Variants in OAS3 observed in about 807,000 individuals in gnomAD.
The protein encoded by OAS3 is 2'-5'-oligoadenylate synthetase 3.
In OAS3, 107 loss-of-function variants were observed where a neutral mutation model predicts 113.0. That is an observed-to-expected ratio of 0.95 (90% CI 0.81 to 1.11). OAS3 has a LOEUF of 1.11. OAS3 is among the 50% of genes most tolerant of loss of function. The pLI, the probability that OAS3 is intolerant of heterozygous loss-of-function variation, is 0.00. For synonymous variants in OAS3, 552 were observed against 573.6 expected, an observed-to-expected ratio of 0.96 and a Z score of 0.54; for missense variants, 1,258 against 1,389.1, an observed-to-expected ratio of 0.91 and a Z score of 1.50.
chr12:112,949,756 C>A (rs149628703), intron 6 of OAS3, among the ~76,000 whole-genome samples: 2 of 152,176 alleles, frequency 1.3e-5, no homozygotes, highest in African/African-American at 4.8e-5. Context: ...CGGTGGCTCA[C>A]GCCTGTAATC....
In OAS3 at chr12:112,948,913, C is replaced by A. The variant is rs780360981; in HGVS notation, c.1082C>A (p.Pro361His). 5.6e-6 allele frequency: 9 copies of A among 1,607,152 alleles called. No homozygotes were observed. The highest frequency in any genetic ancestry group is 1.6e-4 in the Middle Eastern group (1 of 6,080). The change falls in exon 6 of 16, where the codon CCT becomes CAT. Residue 361 changes from proline (P) to histidine (H), a missense_variant. Physicochemically the swap from Pro to His is moderately conservative, Grantham distance 77. Transcript: ENST00000228928. ...TTGGGCCACCCCATCCAGCTAGACC[C>A]TAACCAGAAGACCCCTGAAAACAGC... is the stretch of plus-strand genomic sequence containing the variant. ...SGLGHPIQLD[P>H]NQKTPENSKS...
chr12:112,948,027 G>C lies in OAS3; in HGVS notation c.957G>C (p.Glu319Asp). 1 of 1,601,128 alleles carries C rather than the reference G, an allele frequency of 6.2e-7. No homozygotes were observed. The highest frequency in any genetic ancestry group is 8.5e-7 in the Non-Finnish European group (1 of 1,173,526). The change falls in exon 5 of 16, where the codon GAG becomes GAC. Residue 319 changes from glutamate to aspartate, a missense_variant. Coordinates refer to ENST00000228928, the MANE Select transcript of OAS3 (RefSeq NM_006187.4). ...GGCACTGGGATTTGCTAGCCCAGGA[G>C]GCAGCATCCTGCTATGACCACCCAT... is the stretch of plus-strand genomic sequence containing the variant. ...AAWHWDLLAQ[E>D]AASCYDHPCF...
chr12:112,966,178 T>C, intron 12 of OAS3, 149 bp downstream of exon 12: 1 of 872,442 alleles, frequency 1.1e-6, no homozygotes, highest in Non-Finnish European at 1.7e-6. Context: ...ACAACTTTCC[T>C]GCAAAGTATC....
intron 8 of OAS3, 48 bp downstream of exon 8, chr12:112,961,294 C>A (rs772746189): frequency 1.9e-5 from 30 of 1,558,882 alleles, no homozygotes; most frequent in African/African-American, 2.7e-5. Flanking sequence ...GTCATGGCAA[C>A]CACCCCAGCC....
Position 112,948,970 on chromosome 12 carries a change from G to A in OAS3, c.1139G>A (p.Gly380Glu), listed in dbSNP as rs775371751. 6.2e-7 allele frequency: 1 copy of A among 1,613,888 alleles called. No individual in the cohort carries two copies. The highest frequency in any genetic ancestry group is 8.5e-7 in the Non-Finnish European group (1 of 1,179,864). Reference protein sequence around the residue: ...KSLNAVYPRAGSKPPSCPAPG... With the variant: ...KSLNAVYPRAESKPPSCPAPG... ...CTCAATGCTGTGTACCCAAGAGCAG[G>A]GAGCAAACCTCCCTCATGCCCAGCT... is the stretch of plus-strand genomic sequence containing the variant. Residue 380 changes from glycine (G) to glutamate (E), a missense_variant, in exon 6 of 16, where the codon GGG becomes GAG. Gly to Glu is a moderately conservative substitution (Grantham distance 98). Coordinates refer to ENST00000228928, the MANE Select transcript of OAS3 (RefSeq NM_006187.4).
chr12:112,967,047 T>C (rs1593185870), intron 12 of OAS3, among the ~76,000 whole-genome samples: 1 of 152,306 alleles, frequency 6.6e-6, no homozygotes, highest in Middle Eastern at 3.4e-3. Context: ...TGATGTCAAC[T>C]CCATACACAG....
At chr12:112,964,499 G>A (rs2043917523) in intron 11 of OAS3, 91 bp downstream of exon 11, 8 of 1,342,126 alleles carry the variant, frequency 6.0e-6, no homozygotes, top group African/African-American at 2.9e-5. Context: ...TTCCGCCCTC[G>A]TAGCAAACAG....
At chr12:112,947,873 G>A (rs765399048) in intron 4 of OAS3, 73 bp from the exon 5 acceptor site, 6 of 1,351,754 alleles carry the variant, frequency 4.4e-6, no homozygotes, top group African/African-American at 1.5e-5. Context: ...GCAGAGATGC[G>A]ATTGGAACCA....
chr12:112,950,190 T>C (rs546221618), intron 6 of OAS3, among the ~76,000 whole-genome samples: 1 of 152,194 alleles, frequency 6.6e-6, no homozygotes, highest in East Asian at 1.9e-4. Context: ...TATCCTCTCT[T>C]CTTCTTTCTT....
Position 112,954,701 on chromosome 12 carries a change from G to A in OAS3, c.1657+3726G>A, listed in dbSNP as rs959466183. Among the ~76,000 whole-genome samples, 1 of 152,144 alleles carries A rather than the reference G, an allele frequency of 6.6e-6. No individual in the cohort carries two copies. The highest frequency in any genetic ancestry group is 2.4e-5 in the African/African-American group (1 of 41,412). ...TCCATTGGTCTATATCTCTGTTTTG[G>A]TACAGTACCATGCTGTTTTGGTTAC... On this transcript the variant is annotated intron_variant, in intron 7 of 15. Coordinates refer to ENST00000228928, the MANE Select transcript of OAS3 (RefSeq NM_006187.4). The surrounding 1 kb of genome is among the most constrained non-coding windows in gnomAD (Gnocchi z 4.0).
intron 3 of OAS3, chr12:112,945,186 C>G (rs1593174857): frequency 5.7e-6 from 1 of 174,476 alleles, no homozygotes; most frequent in East Asian, 1.5e-4. Flanking sequence ...GTGGTACACA[C>G]CTGTAATTCC....
intron 15 of OAS3, 103 bp downstream of exon 15, chr12:112,969,858 G>T: frequency 6.3e-7 from 1 of 1,586,642 alleles, no homozygotes; most frequent in Admixed American, 1.8e-5. Flanking sequence ...GCCCAGTGAT[G>T]GCCCCAGGTA....
intron 11 of OAS3, among the ~76,000 whole-genome samples, chr12:112,965,005 G>C (rs1409081018): frequency 6.6e-6 from 1 of 152,202 alleles, no homozygotes; most frequent in African/African-American, 2.4e-5. Context: ...TGAGTGTGGG[G>C]TAGGAGTGGT....
rs376403016 is a variant in OAS3, at chr12:112,968,146, T to C, written c.3076T>C (p.Phe1026Leu). The change falls in exon 14 of 16, where the codon TTC becomes CTC. Residue 1026 changes from phenylalanine (F) to leucine (L), a missense_variant. Physicochemically the swap from Phe to Leu is conservative, Grantham distance 22 (BLOSUM62 0). Coordinates refer to ENST00000228928, the MANE Select transcript of OAS3 (RefSeq NM_006187.4). ...CGCCAAGGACAAGACTGTTGGAGACTTCCTGAAACAGCAGCTTCAGAAGCC... is the reference window on the plus strand; with the variant it reads ...CGCCAAGGACAAGACTGTTGGAGACCTCCTGAAACAGCAGCTTCAGAAGCC... ...YNAKDKTVGDFLKQQLQKPRP... is the reference protein window; with the variant it reads ...YNAKDKTVGDLLKQQLQKPRP... The C allele has an allele frequency of 3.1e-6, 5 of 1,613,434 alleles. No individual in the cohort carries two copies. The highest frequency in any genetic ancestry group is 2.2e-5 in the South Asian group (2 of 91,010).
chr12:112,949,565 C>T (rs1593177507), intron 6 of OAS3, among the ~76,000 whole-genome samples: 1 of 152,158 alleles, frequency 6.6e-6, no homozygotes, highest in African/African-American at 2.4e-5. Context: ...GTCCACAGAA[C>T]AATTCAAGGC....
rs933158044 is a variant in OAS3 at position 112,967,798 on chromosome 12, G to A, written c.2866-138G>A. ...AAAACTATGTCACAGGATGTGATGG[G>A]ATAATGCATGGCAAGGCATCTGGCA... On this transcript the variant is annotated intron_variant, in intron 13 of 15. Coordinates refer to ENST00000228928, the MANE Select transcript of OAS3 (RefSeq NM_006187.4). 4 of 1,118,558 alleles carry A rather than the reference G, an allele frequency of 3.6e-6. No homozygotes were observed. The African/African-American group carries it at 6.3e-5, about 18-fold the overall frequency. The allele number at this position is 1,118,558 out of a possible 1,614,324, so 69.3% of individuals were successfully genotyped here.
chr12:112,942,491 G>C (rs1234128423), intron 2 of OAS3, among the ~76,000 whole-genome samples: 2 of 152,078 alleles, frequency 1.3e-5, no homozygotes, highest in Non-Finnish European at 2.9e-5. Context: ...GAGACTGCTT[G>C]AGCCCAGGAG....
chr12:112,959,108 G>C (rs2043860344), intron 7 of OAS3, among the ~76,000 whole-genome samples: 1 of 152,228 alleles, frequency 6.6e-6, no homozygotes, highest in African/African-American at 2.4e-5. Flanking sequence ...TGTGCTAACA[G>C]TGAATGAGGC....
Position 112,964,273 on chromosome 12 carries a change from C to G in OAS3, c.2268C>G (p.Asp756Glu). ...ACCAAACCCCAGCTGGGGACCTTGA[C>G]AAGTTCATCAGTGAATTTCTCCAGC... ...LLYQTPAGDL[D>E]KFISEFLQPN... Residue 756 changes from aspartate to glutamate, a missense_variant, in exon 11 of 16, where the codon GAC (aspartate) becomes GAG (glutamate). Physicochemically the swap from Asp to Glu is conservative, Grantham distance 45. Transcript: ENST00000228928. The G allele has an allele frequency of 6.2e-7, 1 of 1,602,480 alleles. No homozygotes were observed. Among genetic ancestry groups the G allele is most frequent in the Non-Finnish European group, 8.5e-7 (1 of 1,174,228 alleles).
Sources: allele counts gnomAD v4.1 joint callset (sites outside exome capture counted in the v4.1 genomes callset), GRCh38; gene constraint gnomAD v4.1.1; non-coding constraint Gnocchi (gnomAD v3.1); transcripts MANE v1.5; gene names NCBI Gene and HGNC (gene_info 2026-07-23, HGNC 2026-07-21).